Variants in ZNF251 observed in about 807,000 individuals in gnomAD.
ZNF251 encodes zinc finger protein 251.
In ZNF251, 14 loss-of-function variants were observed where a neutral mutation model predicts 13.5. The observed-to-expected ratio is 1.04, with a 90% CI of 0.69 to 1.63. The LOEUF is 1.63. Among genes scored for constraint, ZNF251 ranks in the 40% most tolerant of loss-of-function variants. The probability of loss-of-function intolerance (pLI) is 0.00; values close to 1 mark genes in which losing one functional copy is unlikely to be tolerated. For synonymous variants in ZNF251, 287 were observed against 295.2 expected (o/e 0.97, Z 0.28); for missense variants, 764 against 834.9 (o/e 0.92, Z 1.05).
intron 4 of ZNF251, among the ~76,000 whole-genome samples, chr8:144,742,800 C>T (rs140138736): frequency 9.8e-4 from 149 of 152,184 alleles, no homozygotes; most frequent in African/African-American, 3.3e-3. Context: ...GGATTGGGTC[C>T]GAGACCCCCA....
intron 4 of ZNF251, among the ~76,000 whole-genome samples, chr8:144,745,725 T>C (rs1824395087): frequency 6.6e-6 from 1 of 152,204 alleles, no homozygotes; most frequent in East Asian, 1.9e-4. Context: ...AAAAAAAATT[T>C]TTTTGTAGAT....
At position 144,732,634 on chromosome 8, in the gene ZNF251, A is replaced by G. The variant is rs530626724; in HGVS notation, c.278-9252T>C. Among the ~76,000 whole-genome samples the G allele has an allele frequency of 4.3e-4, 65 of 151,570 alleles. 1 individual carries two copies. Among genetic ancestry groups the G allele is most frequent in the Non-Finnish European group, 7.7e-4 (52 of 67,956 alleles). On this transcript the variant is annotated intron_variant, in intron 4 of 4. Transcript: ENST00000292562. ...GAGACCATCCTGGCCAACACGGTGAAACCCCGTCTCTACTAAAAATACAAA... is the reference window on the plus strand; with the variant it reads ...GAGACCATCCTGGCCAACACGGTGAGACCCCGTCTCTACTAAAAATACAAA...
chr8:144,736,255 G>A (rs1823886836), intron 4 of ZNF251, among the ~76,000 whole-genome samples: 1 of 152,060 alleles, frequency 6.6e-6, no homozygotes, highest in African/African-American at 2.4e-5. Flanking sequence ...CCTTAGCCTG[G>A]GGACTTGGTG....
Position 144,734,643 on chromosome 8 carries a change from G to T in ZNF251, c.278-11261C>A, listed in dbSNP as rs534895324. Reference sequence around the variant, plus strand: ...GGGACACCCTGAAGAGGGAGGCGCTGCCTGAAAGGTAGGGACACACAGAGG... The same window carrying T: ...GGGACACCCTGAAGAGGGAGGCGCTTCCTGAAAGGTAGGGACACACAGAGG... On this transcript the variant is annotated intron_variant, in intron 4 of 4. Coordinates refer to ENST00000292562, the MANE Select transcript of ZNF251 (RefSeq NM_138367.2). The surrounding 1 kb of genome is among the most constrained non-coding windows in gnomAD (Gnocchi z 4.4). 2.6e-5 allele frequency among the ~76,000 whole-genome samples: 4 copies of T among 152,334 alleles called. No homozygotes were observed. In the South Asian group the frequency reaches 8.3e-4, roughly 32 times the overall value.
In ZNF251 at chr8:144,722,748, T is replaced by C; in HGVS notation, c.912A>G (p.Arg304=). The change falls in exon 5 of 5, where the codon CGA becomes CGG. Residue 304 remains arginine (R), a synonymous_variant. Coordinates refer to ENST00000292562, the MANE Select transcript of ZNF251 (RefSeq NM_138367.2). This position sits in a 1 kb window ranked among gnomAD's most constrained non-coding sequence, Gnocchi z 4.8. ...GCGECGKAFS[R]SSTLIQHRII... is the part of the protein sequence containing the mutation. Reference sequence around the variant, plus strand: ...TCCGATGTTGAATAAGAGTTGAGCTTCGACTGAAAGCCTTCCCACACTCAC... The same window carrying C: ...TCCGATGTTGAATAAGAGTTGAGCTCCGACTGAAAGCCTTCCCACACTCAC... The C allele has an allele frequency of 1.2e-6, 2 of 1,613,786 alleles. No individual in the cohort carries two copies. Among genetic ancestry groups the C allele is most frequent in the Non-Finnish European group, 1.7e-6 (2 of 1,179,872 alleles).
chr8:144,729,367 T>C (rs186323325), intron 4 of ZNF251, among the ~76,000 whole-genome samples: 6,089 of 147,596 alleles, frequency 0.041, 201 homozygotes, highest in Non-Finnish European at 0.059. Flanking sequence ...GATAGAGTCT[T>C]GCTCTGTCGC....
intron 4 of ZNF251, among the ~76,000 whole-genome samples, chr8:144,745,409 T>G (rs1473554786): frequency 2.0e-5 from 3 of 152,176 alleles, no homozygotes; most frequent in African/African-American, 4.8e-5. Context: ...GGCTTTATAG[T>G]AAAAGTACTG....
At position 144,734,444 on chromosome 8, in the gene ZNF251, G is replaced by A. The variant is rs1438557075; in HGVS notation, c.278-11062C>T. 6.6e-6 allele frequency among the ~76,000 whole-genome samples: 1 copy of A among 152,210 alleles called. No homozygotes were observed. The highest frequency in any genetic ancestry group is 1.5e-5 in the Non-Finnish European group (1 of 68,034). On this transcript the variant is annotated intron_variant, in intron 4 of 4. Coordinates refer to ENST00000292562, the MANE Select transcript of ZNF251 (RefSeq NM_138367.2). The surrounding 1 kb of genome is among the most constrained non-coding windows in gnomAD (Gnocchi z 4.4). Reference sequence around the variant, plus strand: ...GCACCCGGTTCCTGCCCCACCGGACGCTGGAGGCCTCCACCTGGCTCTGAG... The same window carrying A: ...GCACCCGGTTCCTGCCCCACCGGACACTGGAGGCCTCCACCTGGCTCTGAG...
chr8:144,725,440 A>G lies in ZNF251; in HGVS notation c.278-2058T>C, dbSNP rs916852650. Among the ~76,000 whole-genome samples, 4 of 151,872 alleles carry G rather than the reference A, an allele frequency of 2.6e-5. No individual in the cohort carries two copies. In the East Asian group the frequency reaches 7.7e-4, roughly 29 times the overall value. ...CGAGTAGCTGGGACTACAGGTGTGC[A>G]CCACCTGTAGTCTGGCTAATTCCTT... On this transcript the variant is annotated intron_variant, in intron 4 of 4. Coordinates refer to ENST00000292562, the MANE Select transcript of ZNF251 (RefSeq NM_138367.2).
chr8:144,744,457 T>G (rs1376825107), intron 4 of ZNF251, among the ~76,000 whole-genome samples: 1 of 152,206 alleles, frequency 6.6e-6, no homozygotes, highest in East Asian at 1.9e-4. Flanking sequence ...TACATTTAGA[T>G]GTATGATCCA....
At chr8:144,746,083 A>T (rs1824415068) in intron 4 of ZNF251, among the ~76,000 whole-genome samples, 1 of 152,224 alleles carries the variant, frequency 6.6e-6, no homozygotes, top group Admixed American at 6.5e-5. Context: ...TTTAACTTCA[A>T]ATTCCACTTC....
intron 4 of ZNF251, among the ~76,000 whole-genome samples, chr8:144,728,644 CA>C (rs1318028897): frequency 5.6e-5 from 7 of 124,226 alleles, no homozygotes; most frequent in South Asian, 4.9e-4. Context: ...GTCTGGGCGA[CA>C]GAGCAAGGCT....
intron 1 of ZNF251, 107 bp from the exon 2 acceptor site, chr8:144,754,910 A>C (rs1824885944): frequency 6.9e-7 from 1 of 1,442,906 alleles, no homozygotes; most frequent in Non-Finnish European, 9.1e-7. Flanking sequence ...CGCGGGAGGC[A>C]GGTCACTATG....
At chr8:144,738,575 A>C in intron 4 of ZNF251, 7 of 985,450 alleles carry the variant, frequency 7.1e-6, no homozygotes, top group Non-Finnish European at 8.4e-6. Context: ...TGGAGGACCA[A>C]TCAGTCAAAT....
intron 4 of ZNF251, among the ~76,000 whole-genome samples, chr8:144,746,487 G>A (rs1283811264): frequency 6.6e-6 from 1 of 152,102 alleles, no homozygotes; most frequent in African/African-American, 2.4e-5. Context: ...GCATTTGGGT[G>A]GATAACACTG....
At chr8:144,726,552 T>A (rs189983453) in intron 4 of ZNF251, among the ~76,000 whole-genome samples, 13 of 148,548 alleles carry the variant, frequency 8.8e-5, no homozygotes, top group African/African-American at 3.2e-4. Flanking sequence ...ATAATAATAA[T>A]AAAAATAAAG....
At chr8:144,749,273 G>C (rs994970238) in intron 4 of ZNF251, among the ~76,000 whole-genome samples, 2 of 152,166 alleles carry the variant, frequency 1.3e-5, no homozygotes, top group Admixed American at 1.3e-4. Context: ...GATGTCTTGA[G>C]ACCAGGAGGT....
intron 4 of ZNF251, chr8:144,730,196 C>T: frequency 2.3e-6 from 2 of 854,588 alleles, no homozygotes; most frequent in Non-Finnish European, 2.8e-6. Flanking sequence ...CCCCTCCAGG[C>T]GCGGGGCCCA....
intron 4 of ZNF251, among the ~76,000 whole-genome samples, chr8:144,733,143 C>T (rs1257517298): frequency 1.3e-4 from 19 of 151,944 alleles, no homozygotes; most frequent in East Asian, 5.8e-4. Flanking sequence ...TGCTTGAACC[C>T]GGGAGGCAGA....
Sources: gnomAD v4.1 joint callset for allele counts (sites outside exome capture counted in the v4.1 genomes callset) on GRCh38, gnomAD v4.1.1 for gene constraint, Gnocchi (gnomAD v3.1) non-coding constraint, MANE v1.5 for transcripts, NCBI Gene and HGNC (gene_info 2026-07-23, HGNC 2026-07-21) for gene names.